The following DNAH14 variants were observed in gnomAD, a reference collection of about 807,000 sequenced individuals.
The protein encoded by DNAH14 is axonemal beta dynein heavy chain 14.
DNAH14 carries 478 observed loss-of-function variants against 520.9 expected under a neutral mutation model. That is an observed-to-expected ratio of 0.92 (90% CI 0.85 to 0.99). The LOEUF is 0.99. Ranked by LOEUF, DNAH14 falls within the 50% of genes least tolerant of loss-of-function variation. The pLI is 0.00. For missense variants in DNAH14, 4,831 were observed against 5,234.5 expected (o/e 0.92, Z 2.38); for synonymous variants, 1,581 against 1,757.2 (o/e 0.90, Z 2.51).
At chr1:225,148,354 G>A (rs1228794945) in intron 31 of DNAH14, among the ~76,000 whole-genome samples, 3 of 144,202 alleles carry the variant, frequency 2.1e-5, no homozygotes, top group Non-Finnish European at 4.5e-5. Context: ...GTATCTCATT[G>A]TGGTTTTGAT....
chr1:225,370,027 C>A (rs1248419466), intron 77 of DNAH14, among the ~76,000 whole-genome samples: 1 of 152,064 alleles, frequency 6.6e-6, no homozygotes, highest in Non-Finnish European at 1.5e-5. Context: ...CGGTGGCTCA[C>A]GCCCATAATC....
intron 1 of DNAH14, among the ~76,000 whole-genome samples, chr1:224,932,472 C>CTATTTT (rs2058759803): frequency 6.6e-6 from 1 of 151,956 alleles, no homozygotes; most frequent in Admixed American, 6.6e-5. Flanking sequence ...TCCGATTTGT[C>CTATTTT]TATTTTTATT....
intron 21 of DNAH14, among the ~76,000 whole-genome samples, chr1:225,091,203 A>C (rs1014525809): frequency 4.6e-5 from 7 of 152,254 alleles, no homozygotes; most frequent in African/African-American, 1.7e-4. Flanking sequence ...CTTCAACTTT[A>C]CTAGAGGCCA....
intron 55 of DNAH14, among the ~76,000 whole-genome samples, chr1:225,291,010 C>CTT (rs2093876348): frequency 6.6e-6 from 1 of 151,884 alleles, no homozygotes; most frequent in Non-Finnish European, 1.5e-5. Flanking sequence ...TAAAAAATCC[C>CTT]TCCCTATCCT....
At chr1:225,160,112 A>G (rs2081381640) in intron 35 of DNAH14, among the ~76,000 whole-genome samples, 1 of 152,128 alleles carries the variant, frequency 6.6e-6, no homozygotes, top group African/African-American at 2.4e-5. Flanking sequence ...GAAATTAAGT[A>G]TTTTAACATA....
chr1:225,161,824 C>T (rs1341693875), intron 35 of DNAH14, among the ~76,000 whole-genome samples: 1 of 152,148 alleles, frequency 6.6e-6, no homozygotes, highest in Non-Finnish European at 1.5e-5. Flanking sequence ...AATGTCTATT[C>T]AAATCTTTTG....
At chr1:225,147,577 T>C (rs185220753) in intron 31 of DNAH14, among the ~76,000 whole-genome samples, 10 of 152,354 alleles carry the variant, frequency 6.6e-5, no homozygotes, top group Admixed American at 5.9e-4. Flanking sequence ...ATTATCTTTT[T>C]ATCTTAGAAT....
Position 225,333,474 on chromosome 1 carries a change from T to C in DNAH14, c.10048T>C (p.Ser3350Pro). Residue 3350 changes from serine to proline, a missense_variant, in exon 66 of 86, where the codon TCT becomes CCT. Coordinates refer to ENST00000682510, the MANE Select transcript of DNAH14 (RefSeq NM_001367479.1). ...TGGCATTTCTTTGTCTTCCAAATTC[T>C]CTTTAATTAAAGTTATGGCACAAAA... ...ENGISLSSKF[S>P]LIKVMAQKYE... 6.4e-7 allele frequency: 1 copy of C among 1,551,150 alleles called. No individual in the cohort carries two copies. The highest frequency in any genetic ancestry group is 8.7e-7 in the Non-Finnish European group (1 of 1,146,690).
chr1:224,975,317 G>A (rs1412907103), intron 8 of DNAH14, among the ~76,000 whole-genome samples: 1 of 152,032 alleles, frequency 6.6e-6, no homozygotes, highest in Non-Finnish European at 1.5e-5. Context: ...GTTCCTCCTT[G>A]TACCTCTGGT....
intron 4 of DNAH14, 32 bp from the exon 5 acceptor site, chr1:224,964,447 T>G: frequency 6.3e-7 from 1 of 1,580,694 alleles, no homozygotes; most frequent in Non-Finnish European, 8.6e-7. Context: ...ACATTTGCAC[T>G]TATACTGGAT....
chr1:225,234,942 T>G (rs1005405820), intron 42 of DNAH14, among the ~76,000 whole-genome samples: 2 of 152,178 alleles, frequency 1.3e-5, no homozygotes, highest in African/African-American at 4.8e-5. Flanking sequence ...AAGAAGCTTT[T>G]GGGCTGAGAT....
intron 42 of DNAH14, among the ~76,000 whole-genome samples, chr1:225,236,921 C>CATATACATAATCATATGTAATG (rs2149605167): frequency 6.6e-6 from 1 of 152,206 alleles, no homozygotes; most frequent in East Asian, 1.9e-4. Flanking sequence ...CATATGTAAT[C>CATATACATAATCATATGTAATG]ATATACATAA....
chr1:225,181,338 A>C (rs886195291), intron 36 of DNAH14, among the ~76,000 whole-genome samples: 2 of 152,326 alleles, frequency 1.3e-5, no homozygotes, highest in East Asian at 3.9e-4. Context: ...CTTTGGGTAC[A>C]TACCCTGTAA....
chr1:225,119,382 T>A, intron 26 of DNAH14, 88 bp downstream of exon 26: 1 of 878,536 alleles, frequency 1.1e-6, no homozygotes, highest in Non-Finnish European at 1.6e-6. Flanking sequence ...TAAAACTCAC[T>A]TATCTACTAA....
chr1:225,052,202 G>C lies in DNAH14; in HGVS notation c.2424+407G>C, dbSNP rs553187560. 4.6e-5 allele frequency among the ~76,000 whole-genome samples: 7 copies of C among 152,096 alleles called. No homozygotes were observed. The South Asian group carries it at 1.5e-3, about 32-fold the overall frequency. On this transcript the variant is annotated intron_variant, in intron 17 of 85. Coordinates refer to ENST00000682510, the MANE Select transcript of DNAH14 (RefSeq NM_001367479.1). ...AATCTTTGAATACAGATGAATATTG[G>C]AGTTTCACTGTATATTAGGGCTGAC...
chr1:225,384,132 T>A (rs1360314708), intron 81 of DNAH14, among the ~76,000 whole-genome samples: 2 of 152,196 alleles, frequency 1.3e-5, no homozygotes, highest in Non-Finnish European at 2.9e-5. Flanking sequence ...TCTTTTACAT[T>A]TGCTGAGGAG....
At chr1:225,189,559 G>A (rs2085153266) in intron 37 of DNAH14, among the ~76,000 whole-genome samples, 1 of 151,422 alleles carries the variant, frequency 6.6e-6, no homozygotes, top group Non-Finnish European at 1.5e-5. Flanking sequence ...TGGGTCTTTT[G>A]AGATTTTCTA....
chr1:225,277,670 T>A (rs2093519877), intron 54 of DNAH14, among the ~76,000 whole-genome samples, 168 bp downstream of exon 54: 1 of 152,230 alleles, frequency 6.6e-6, no homozygotes, highest in South Asian at 2.1e-4. Context: ...ATATGAAATC[T>A]GTCAGCAAAT....
chr1:224,957,300 A>G (rs975266799), intron 3 of DNAH14, among the ~76,000 whole-genome samples: 3 of 152,092 alleles, frequency 2.0e-5, no homozygotes, highest in Non-Finnish European at 4.4e-5. Context: ...AGGAGTTTAG[A>G]GGAAGGATCA....
Sources: gnomAD v4.1 joint callset for allele counts (sites outside exome capture counted in the v4.1 genomes callset) on GRCh38, gnomAD v4.1.1 for gene constraint, MANE v1.5 for transcripts, NCBI Gene and HGNC (gene_info 2026-07-23, HGNC 2026-07-21) for gene names.